The following GATA6 variants were observed in gnomAD, a reference collection of about 807,000 sequenced individuals.
GATA6 encodes transcription factor GATA-6.
In GATA6, 11 loss-of-function variants were observed where a neutral mutation model predicts 48.1. That is an observed-to-expected ratio of 0.23 (90% CI 0.14 to 0.38). GATA6 has a LOEUF of 0.38. Ranked by LOEUF, GATA6 falls within the 10% of genes least tolerant of loss-of-function variation. The pLI is 1.00. For missense variants in GATA6, 795 were observed against 850.3 expected (o/e 0.93, Z 0.81); for synonymous variants, 419 against 396.1 (o/e 1.06, Z -0.69).
At position 22,172,107 on chromosome 18, in the gene GATA6, G is replaced by A. The variant is rs1365018424; in HGVS notation, c.963G>A (p.Gly321=). Residue 321 remains glycine (G), a synonymous_variant, in exon 2 of 7, where the codon GGG becomes GGA. Transcript: ENST00000269216. The surrounding 1 kb of genome is among the most constrained non-coding windows in gnomAD (Gnocchi z 5.2). ...SSLSAARPLN[G]TYHHHHHHHH... ...TGTCGGCCGCGCGGCCGCTGAACGG[G>A]ACGTACCACCACCACCACCACCACC... The A allele has an allele frequency of 6.6e-7, 1 of 1,504,958 alleles. No individual in the cohort carries two copies. Among genetic ancestry groups the A allele is most frequent in the Non-Finnish European group, 8.8e-7 (1 of 1,132,618 alleles). The allele number at this position is 1,504,958 out of a possible 1,614,324, so 93.2% of individuals were successfully genotyped here.
At position 22,200,666 on chromosome 18, in the gene GATA6, C is replaced by T. The variant is rs767156756; in HGVS notation, c.1631C>T (p.Pro544Leu). 7.4e-6 allele frequency: 12 copies of T among 1,614,248 alleles called. No homozygotes were observed. Among genetic ancestry groups the T allele is most frequent in the Non-Finnish European group, 1.0e-5 (12 of 1,180,036 alleles). Residue 544 changes from proline (P) to leucine (L), a missense_variant, in exon 7 of 7, where the codon CCG becomes CTG. Pro to Leu is a moderately conservative substitution (Grantham distance 98). This residue lies in a region of GATA6 where 103 missense variants were observed against 103.7 expected (regional missense o/e 0.99). Coordinates refer to ENST00000269216, the MANE Select transcript of GATA6 (RefSeq NM_005257.6). ...TQPTASGAGA[P>L]VMTGAGESTN... ...CCCCTCTTCTGCCAGGCGGGTGCCC[C>T]GGTGATGACTGGTGCGGGAGAGAGC...
Position 22,172,138 on chromosome 18 carries a change from C to A in GATA6, c.994C>A (p.His332Asn). Residue 332 changes from histidine (H) to asparagine (N), a missense_variant, in exon 2 of 7, where the codon CAC becomes AAC. Around this residue, in one of 5 missense-constraint regions of GATA6, gnomAD observed 591 missense variants for 570.0 expected, o/e 1.04. Coordinates refer to ENST00000269216, the MANE Select transcript of GATA6 (RefSeq NM_005257.6). The surrounding 1 kb of genome is among the most constrained non-coding windows in gnomAD (Gnocchi z 5.2). ...TYHHHHHHHH[H>N]HPSPYSPYVG... ...CCACCACCACCACCACCACCACCAC[C>A]ACCATCCGAGCCCCTACTCGCCCTA... 2 of 1,528,674 alleles carry A rather than the reference C, an allele frequency of 1.3e-6. No homozygotes were observed. The highest frequency in any genetic ancestry group is 1.7e-6 in the Non-Finnish European group (2 of 1,143,632). 94.7% of individuals were successfully genotyped at this position (1,528,674 alleles called of 1,614,324 possible).
chr18:22,179,441 C>A, intron 3 of GATA6, among the ~76,000 whole-genome samples: 1 of 152,198 alleles, frequency 6.6e-6, no homozygotes, highest in Admixed American at 6.5e-5. Context: ...CATTCACCTG[C>A]ATTTCACATG....
At chr18:22,184,675 A>G (rs182615492) in intron 6 of GATA6, among the ~76,000 whole-genome samples, 1 of 151,202 alleles carries the variant, frequency 6.6e-6, no homozygotes, top group South Asian at 2.1e-4. Flanking sequence ...TTTTTTGTAT[A>G]GTTAGTAGAG....
chr18:22,188,095 GA>G (rs200690272), intron 6 of GATA6, among the ~76,000 whole-genome samples: 6,105 of 150,292 alleles, frequency 0.041, 382 homozygotes, highest in African/African-American at 0.13. Context: ...AAAAAAAAAT[GA>G]AAAAAAAGTA....
At position 22,170,846 on chromosome 18, in the gene GATA6, G is replaced by A. The variant is rs2033024178; in HGVS notation, c.-37-262G>A. The A allele has an allele frequency of 6.0e-6, 3 of 498,230 alleles. No individual in the cohort carries two copies. The South Asian group carries it at 7.6e-5, about 13-fold the overall frequency. 30.9% of individuals were successfully genotyped at this position (498,230 alleles called of 1,614,324 possible). A position where few individuals can be genotyped will look rare whatever the true frequency, so the allele number is the denominator to read the frequency against. ...AGGGGGTGGGCGGGGAGGACGCGGG[G>A]ACCGGAGCGGTGCCTTTGAGGGAGG... is the stretch of plus-strand genomic sequence containing the variant. On this transcript the variant is annotated intron_variant, in intron 1 of 6. Coordinates refer to ENST00000269216, the MANE Select transcript of GATA6 (RefSeq NM_005257.6). The surrounding 1 kb of genome is among the most constrained non-coding windows in gnomAD (Gnocchi z 6.7).
chr18:22,177,118 C>A lies in GATA6; in HGVS notation c.1299C>A (p.Arg433=), dbSNP rs887805315. ...GGCCCCTCATCAAGCCGCAGAAGCGCGTGGTGAGTGTGACCCGCCCTGCCC... is the reference window on the plus strand; with the variant it reads ...GGCCCCTCATCAAGCCGCAGAAGCGAGTGGTGAGTGTGACCCGCCCTGCCC... ...LSRPLIKPQK[R]VPSSRRLGLS... is the part of the protein sequence containing the mutation. The change falls in exon 3 of 7, where the codon CGC becomes CGA. Residue 433 remains arginine (R), a synonymous_variant. Transcript: ENST00000269216. The A allele has an allele frequency of 6.5e-7, 1 of 1,548,146 alleles. No homozygotes were observed. The highest frequency in any genetic ancestry group is 2.4e-5 in the East Asian group (1 of 40,856).
intron 6 of GATA6, among the ~76,000 whole-genome samples, chr18:22,186,351 T>G (rs886315042): frequency 6.6e-6 from 1 of 152,200 alleles, no homozygotes; most frequent in African/African-American, 2.4e-5. Context: ...CTGCCTTTCT[T>G]TAATGACTGT....
chr18:22,171,604 C>G lies in GATA6; in HGVS notation c.460C>G (p.Leu154Val), dbSNP rs2143275968. The change falls in exon 2 of 7, where the codon CTC becomes GTC. Residue 154 changes from leucine to valine, a missense_variant. Leu to Val is a conservative substitution (Grantham distance 32, BLOSUM62 1). Coordinates refer to ENST00000269216, the MANE Select transcript of GATA6 (RefSeq NM_005257.6). The surrounding 1 kb of genome is among the most constrained non-coding windows in gnomAD (Gnocchi z 7.1). ...GGAGATGTACCAGACCCTCGCCGCT[C>G]TCTCCAGCCAGGGTCCGGCCGCCTA... ...PEEMYQTLAA[L>V]SSQGPAAYDG... 6.2e-7 allele frequency: 1 copy of G among 1,600,884 alleles called. No homozygotes were observed. Among genetic ancestry groups the G allele is most frequent in the Non-Finnish European group, 8.5e-7 (1 of 1,179,228 alleles).
In GATA6 at chr18:22,181,522, A is replaced by G; in HGVS notation, c.1372A>G (p.Asn458Asp). The G allele has an allele frequency of 6.2e-7, 1 of 1,614,164 alleles. No individual in the cohort carries two copies. Among genetic ancestry groups the G allele is most frequent in the East Asian group, 2.2e-5 (1 of 44,876 alleles). Residue 458 changes from asparagine to aspartate, a missense_variant, in exon 4 of 7, where the codon AAC (asparagine) becomes GAC (aspartate). Asn to Asp is a conservative substitution (Grantham distance 23). Transcript: ENST00000269216. Reference protein sequence around the residue: ...HTTTTTLWRRNAEGEPVCNAC... With the variant: ...HTTTTTLWRRDAEGEPVCNAC... ...CACAACTACCACCTTATGGCGCAGA[A>G]ACGCCGAGGGTGAACCCGTGTGCAA...
At position 22,182,507 on chromosome 18, in the gene GATA6, G is replaced by A. The variant is rs578078549; in HGVS notation, c.1429-250G>A. Among the ~76,000 whole-genome samples, 19 of 152,192 alleles carry A rather than the reference G, an allele frequency of 1.2e-4. No homozygotes were observed. In the South Asian group the frequency reaches 3.1e-3, roughly 25 times the overall value. ...CAAGTAGCTGGGATTACAGGCATGCGCCAACAAGTCTGGCTAATTTTTGTA... is the reference window on the plus strand; with the variant it reads ...CAAGTAGCTGGGATTACAGGCATGCACCAACAAGTCTGGCTAATTTTTGTA... On this transcript the variant is annotated intron_variant, in intron 4 of 6. Coordinates refer to ENST00000269216, the MANE Select transcript of GATA6 (RefSeq NM_005257.6).
intron 3 of GATA6, 40 bp from the exon 4 acceptor site, chr18:22,181,413 C>A: frequency 1.2e-6 from 2 of 1,606,282 alleles, no homozygotes; most frequent in South Asian, 2.2e-5. Flanking sequence ...ATATATATGT[C>A]ACTTATATTT....
At chr18:22,176,749 CAG>C in intron 2 of GATA6, 1 of 575,842 alleles carries the variant, frequency 1.7e-6, no homozygotes, top group Non-Finnish European at 3.0e-6. Context: ...TCCGGGTGTG[CAG>C]AAGTATTGGA....
intron 6 of GATA6, among the ~76,000 whole-genome samples, chr18:22,198,954 C>T (rs2033423259): frequency 6.6e-6 from 1 of 152,076 alleles, no homozygotes; most frequent in African/African-American, 2.4e-5. Flanking sequence ...GGTGTGGGGC[C>T]AGTGTTGTTG....
chr18:22,183,082 C>A, intron 6 of GATA6, 39 bp downstream of exon 6: 2 of 1,451,612 alleles, frequency 1.4e-6, no homozygotes, highest in Non-Finnish European at 1.9e-6. Flanking sequence ...AATTACTGGG[C>A]TGCTCTCTAG....
At chr18:22,177,930 G>T (rs960106430) in intron 3 of GATA6, among the ~76,000 whole-genome samples, 3 of 140,026 alleles carry the variant, frequency 2.1e-5, no homozygotes, top group Non-Finnish European at 4.5e-5. Context: ...TCCCCAATTC[G>T]CACACGTTTT....
At chr18:22,189,188 G>A (rs1200542641) in intron 6 of GATA6, among the ~76,000 whole-genome samples, 2 of 152,150 alleles carry the variant, frequency 1.3e-5, no homozygotes, top group Non-Finnish European at 2.9e-5. Context: ...CCTGAGCTGC[G>A]TGGTCGTTTG....
intron 6 of GATA6, among the ~76,000 whole-genome samples, chr18:22,190,865 A>G (rs962479343): frequency 6.6e-6 from 1 of 152,042 alleles, no homozygotes; most frequent in Non-Finnish European, 1.5e-5. Flanking sequence ...CTTTCTTTCT[A>G]TGTTCACAGC....
intron 6 of GATA6, among the ~76,000 whole-genome samples, chr18:22,190,788 G>T (rs997514328): frequency 6.6e-6 from 1 of 152,104 alleles, no homozygotes; most frequent in African/African-American, 2.4e-5. Context: ...CTTGCCACAT[G>T]CTACAAGCCA....
Sources: allele counts gnomAD v4.1 joint callset (sites outside exome capture counted in the v4.1 genomes callset), GRCh38; gene constraint gnomAD v4.1.1; regional missense constraint gnomAD v4.1.1; non-coding constraint Gnocchi (gnomAD v3.1); transcripts MANE v1.5; gene names NCBI Gene and HGNC (gene_info 2026-07-23, HGNC 2026-07-21).